CDH20: variants seen among roughly 807,000 people sequenced by gnomAD.
The protein encoded by CDH20 is cadherin 20, also known as cadherin-20.
CDH20 carries 29 observed loss-of-function variants against 74.2 expected under a neutral mutation model. That is an observed-to-expected ratio of 0.39 (90% CI 0.29 to 0.53). The LOEUF is 0.53. CDH20 is among the 20% of genes least tolerant of loss of function. The pLI is 0.69. For synonymous variants in CDH20, 469 were observed against 405.4 expected (o/e 1.16, Z -1.88); for missense variants, 988 against 1,048.3 (o/e 0.94, Z 0.79).
intron 1 of CDH20, among the ~76,000 whole-genome samples, chr18:61,366,076 T>C (rs1033549986): frequency 3.3e-5 from 5 of 152,220 alleles, no homozygotes; most frequent in Admixed American, 6.5e-5. Context: ...TAATAATTCA[T>C]AAATATAGGC....
chr18:61,493,926 C>T (rs779922684), intron 2 of CDH20, among the ~76,000 whole-genome samples: 2 of 152,170 alleles, frequency 1.3e-5, no homozygotes, highest in Admixed American at 6.5e-5. Context: ...TTGTCTACAC[C>T]TCCCTGACGC....
intron 1 of CDH20, among the ~76,000 whole-genome samples, chr18:61,409,644 T>C (rs547659903): frequency 6.6e-6 from 1 of 152,328 alleles, no homozygotes; most frequent in Non-Finnish European, 1.5e-5. Context: ...AATACAAAGC[T>C]TAATAAAGGT....
rs1912485472 is a variant in CDH20 at position 61,527,848 on chromosome 18, A to T, written c.1018-119A>T. 2.7e-5 allele frequency: 25 copies of T among 919,526 alleles called. No homozygotes were observed. In the South Asian group the frequency reaches 4.1e-4, roughly 15 times the overall value. The allele number at this position is 919,526 out of a possible 1,614,324, so 57.0% of individuals were successfully genotyped here. On this transcript the variant is annotated intron_variant, in intron 6 of 11. Transcript: ENST00000262717. ...CTTCTTTCCCGTTTACCTTTTTCCC[A>T]CTTAATGAATTGGAGAATCTTCCCA...
Position 61,526,485 on chromosome 18 carries a change from G to A in CDH20, c.1018-1482G>A, listed in dbSNP as rs1480614742. Among the ~76,000 whole-genome samples the A allele has an allele frequency of 2.0e-5, 3 of 152,150 alleles. No homozygotes were observed. The East Asian group carries it at 5.8e-4, about 29-fold the overall frequency. On this transcript the variant is annotated intron_variant, in intron 6 of 11. Transcript: ENST00000262717. ...AAAAGTGATGTTTAGCTAGAAAAAT[G>A]TAAGTTATTGCTATGTTGACACACA...
intron 1 of CDH20, among the ~76,000 whole-genome samples, chr18:61,434,404 C>T (rs748872622): frequency 1.3e-5 from 2 of 152,100 alleles, no homozygotes; most frequent in Non-Finnish European, 2.9e-5. Context: ...TTCAAAGTAT[C>T]CTTCAGAATT....
At chr18:61,341,675 CT>C (rs1195712316) in intron 1 of CDH20, among the ~76,000 whole-genome samples, 1 of 152,144 alleles carries the variant, frequency 6.6e-6, no homozygotes, top group Non-Finnish European at 1.5e-5. Context: ...GTCTTGTAGG[CT>C]TTTTTGGAAT....
At chr18:61,476,513 ATTTAT>A (rs773515621) in intron 1 of CDH20, among the ~76,000 whole-genome samples, 2 of 152,198 alleles carry the variant, frequency 1.3e-5, no homozygotes, top group Non-Finnish European at 1.5e-5. Flanking sequence ...TTTTGAGGTG[ATTTAT>A]TTTATAACAA....
chr18:61,399,048 A>G (rs2144221591), intron 1 of CDH20, among the ~76,000 whole-genome samples: 1 of 152,342 alleles, frequency 6.6e-6, no homozygotes, highest in Admixed American at 6.5e-5. Context: ...TTACCTGTTC[A>G]TACAGTACAT....
intron 1 of CDH20, among the ~76,000 whole-genome samples, chr18:61,358,490 C>A (rs1010290890): frequency 1.3e-5 from 2 of 152,130 alleles, no homozygotes; most frequent in South Asian, 4.2e-4. Flanking sequence ...ATGTGCTTCT[C>A]TTCTACCCCT....
At position 61,449,490 on chromosome 18, in the gene CDH20, C is replaced by A. The variant is rs896317061; in HGVS notation, c.-152-40912C>A. 2.0e-5 allele frequency among the ~76,000 whole-genome samples: 3 copies of A among 152,116 alleles called. No homozygotes were observed. The South Asian group carries it at 6.2e-4, about 32-fold the overall frequency. ...TGGTTAATGGCTCCTCATTAATAGA[C>A]CAGGCAGCATGTTGGCATCCGATAG... On this transcript the variant is annotated intron_variant, in intron 1 of 11. Coordinates refer to ENST00000262717, the MANE Select transcript of CDH20 (RefSeq NM_031891.4).
chr18:61,369,944 C>T lies in CDH20; in HGVS notation c.-153+36117C>T, dbSNP rs938073044. On this transcript the variant is annotated intron_variant, in intron 1 of 11. Transcript: ENST00000262717. ...GAAGGTGGGAGGAGGGAGAGGATCA[C>T]GAAAAATAACTAATGGGTACCAGGC... Among the ~76,000 whole-genome samples, 7 of 151,886 alleles carry T rather than the reference C, an allele frequency of 4.6e-5. No individual in the cohort carries two copies. In the East Asian group the frequency reaches 5.8e-4, roughly 13 times the overall value.
chr18:61,529,031 CAAG>C (rs1912550301), intron 7 of CDH20, among the ~76,000 whole-genome samples: 1 of 152,190 alleles, frequency 6.6e-6, no homozygotes, highest in Non-Finnish European at 1.5e-5. Context: ...TGCTTCCGCT[CAAG>C]AAGATGAGAA....
intron 6 of CDH20, among the ~76,000 whole-genome samples, chr18:61,527,007 C>G (rs1424152617): frequency 6.6e-6 from 1 of 151,992 alleles, no homozygotes; most frequent in African/African-American, 2.4e-5. Context: ...ATGGTGAAAC[C>G]CTGTCTCTAC....
At chr18:61,367,019 T>C (rs1910884587) in intron 1 of CDH20, among the ~76,000 whole-genome samples, 1 of 152,114 alleles carries the variant, frequency 6.6e-6, no homozygotes, top group Admixed American at 6.6e-5. Flanking sequence ...TCTGGGATTA[T>C]AAAGTAATTT....
At chr18:61,416,352 G>C (rs778805644) in intron 1 of CDH20, among the ~76,000 whole-genome samples, 1 of 152,114 alleles carries the variant, frequency 6.6e-6, no homozygotes, top group African/African-American at 2.4e-5. Flanking sequence ...AATAACATTT[G>C]CCATTTTGGT....
At chr18:61,522,174 C>T (rs1228638800) in intron 6 of CDH20, among the ~76,000 whole-genome samples, 1 of 152,174 alleles carries the variant, frequency 6.6e-6, no homozygotes, top group Non-Finnish European at 1.5e-5. Context: ...AAAACCCCAT[C>T]ATCTCAGCCC....
intron 1 of CDH20, among the ~76,000 whole-genome samples, chr18:61,342,757 T>A (rs996516555): frequency 2.0e-5 from 3 of 152,208 alleles, no homozygotes; most frequent in Admixed American, 6.5e-5. Context: ...ACATTTTCAA[T>A]TTAAGAGTAG....
In CDH20 at chr18:61,554,435, T is replaced by C; in HGVS notation, c.2146T>C (p.Cys716Arg). Residue 716 changes from cysteine to arginine, a missense_variant, in exon 12 of 12, where the codon TGC becomes CGC. Coordinates refer to ENST00000262717, the MANE Select transcript of CDH20 (RefSeq NM_031891.4). ...CCTCTCCCGCTACGTGCCTCAGACG[T>C]GCGCAGTGAACAGCACTGTCCACAG... ...ESLSRYVPQT[C>R]AVNSTVHSYV... 1.9e-6 allele frequency: 3 copies of C among 1,613,216 alleles called. 1 individual carries two copies. Among genetic ancestry groups the C allele is most frequent in the South Asian group, 2.2e-5 (2 of 91,066 alleles).
chr18:61,517,174 C>G (rs935523689), intron 6 of CDH20, among the ~76,000 whole-genome samples: 2 of 152,150 alleles, frequency 1.3e-5, no homozygotes, highest in Admixed American at 6.5e-5. Flanking sequence ...AGGAGAAAAT[C>G]CTTGCAATCC....
Sources: gnomAD v4.1 joint callset for allele counts (sites outside exome capture counted in the v4.1 genomes callset) on GRCh38, gnomAD v4.1.1 for gene constraint, MANE v1.5 for transcripts, NCBI Gene and HGNC (gene_info 2026-07-23, HGNC 2026-07-21) for gene names.